Variants in CTNNA2 observed in about 807,000 individuals in gnomAD.
The protein encoded by CTNNA2 is catenin alpha 2, also known as catenin alpha-2.
CTNNA2 carries 42 observed loss-of-function variants against 101.0 expected under a neutral mutation model. The observed-to-expected ratio is 0.42, with a 90% CI of 0.32 to 0.54. The LOEUF is 0.54. Ranked by LOEUF, CTNNA2 falls within the 20% of genes least tolerant of loss-of-function variation. CTNNA2 has a pLI of 0.14. For missense variants in CTNNA2, 871 were observed against 1,223.1 expected, an observed-to-expected ratio of 0.71 and a Z score of 4.29; for synonymous variants, 450 against 456.4, an observed-to-expected ratio of 0.99 and a Z score of 0.18.
At chr2:80,529,633 G>T (rs1690351780) in intron 9 of CTNNA2, among the ~76,000 whole-genome samples, 1 of 152,096 alleles carries the variant, frequency 6.6e-6, no homozygotes, top group South Asian at 2.1e-4. Context: ...ACAAAAGATT[G>T]CAGAGCCTAT....
intron 7 of CTNNA2, among the ~76,000 whole-genome samples, chr2:80,011,495 C>T (rs963187701): frequency 6.6e-6 from 1 of 152,102 alleles, no homozygotes; most frequent in Non-Finnish European, 1.5e-5. Context: ...TAGTAGAGAA[C>T]CTACCAGTAG....
At chr2:79,223,736 T>G (rs1674374096) in intron 2 of CTNNA2, among the ~76,000 whole-genome samples, 1 of 152,142 alleles carries the variant, frequency 6.6e-6, no homozygotes, top group African/African-American at 2.4e-5. Flanking sequence ...AAGCTGACAG[T>G]TGGTGGCACT....
At chr2:79,210,209 T>C (rs2104198740) in intron 2 of CTNNA2, among the ~76,000 whole-genome samples, 1 of 152,116 alleles carries the variant, frequency 6.6e-6, no homozygotes, top group South Asian at 2.1e-4. Context: ...GCACATTCAT[T>C]AGGTGCCCAA....
chr2:79,637,890 G>T (rs1680187151), intron 1 of CTNNA2, among the ~76,000 whole-genome samples: 1 of 152,168 alleles, frequency 6.6e-6, no homozygotes, highest in African/African-American at 2.4e-5. Context: ...GTAAAATTGG[G>T]ATACCATCAC....
At chr2:79,578,786 A>G (rs569971822) in intron 1 of CTNNA2, among the ~76,000 whole-genome samples, 1 of 152,280 alleles carries the variant, frequency 6.6e-6, no homozygotes, top group African/African-American at 2.4e-5. Flanking sequence ...CTATAGCTTT[A>G]TATTTAACCT....
chr2:80,610,596 G>A (rs1330955371), intron 17 of CTNNA2, among the ~76,000 whole-genome samples: 1 of 151,642 alleles, frequency 6.6e-6, no homozygotes, highest in African/African-American at 2.4e-5. Flanking sequence ...AGTTACATTT[G>A]TTAGAAGTCA....
chr2:79,549,201 C>A (rs1174625056), intron 1 of CTNNA2, among the ~76,000 whole-genome samples: 1 of 152,122 alleles, frequency 6.6e-6, no homozygotes, highest in African/African-American at 2.4e-5. Context: ...GGATTGGAAA[C>A]TTGGTTTGGC....
chr2:80,546,174 T>A, intron 11 of CTNNA2, 111 bp downstream of exon 11: 1 of 1,327,076 alleles, frequency 7.5e-7, no homozygotes, highest in Non-Finnish European at 1.0e-6. Context: ...ACTCCTTAGA[T>A]CTTTGAGCTT....
intron 7 of CTNNA2, among the ~76,000 whole-genome samples, chr2:80,356,604 C>G (rs1411950555): frequency 6.6e-6 from 1 of 151,914 alleles, no homozygotes; most frequent in Non-Finnish European, 1.5e-5. Flanking sequence ...TGAGAGAGAA[C>G]AGAAGGAAGA....
At chr2:79,188,220 A>C (rs1673807547) in intron 1 of CTNNA2, among the ~76,000 whole-genome samples, 1 of 152,192 alleles carries the variant, frequency 6.6e-6, no homozygotes, top group African/African-American at 2.4e-5. Context: ...GACATTCTAG[A>C]CTAGATAAAA....
At chr2:79,956,855 T>C (rs944279962) in intron 7 of CTNNA2, among the ~76,000 whole-genome samples, 1 of 148,294 alleles carries the variant, frequency 6.7e-6, no homozygotes, top group Non-Finnish European at 1.5e-5. Flanking sequence ...TTTTTTTTTT[T>C]TTTTTTTTTT....
chr2:80,459,064 G>C (rs879283205), intron 9 of CTNNA2, among the ~76,000 whole-genome samples: 4 of 152,128 alleles, frequency 2.6e-5, no homozygotes, highest in Non-Finnish European at 4.4e-5. Flanking sequence ...GTATTCAATA[G>C]AGTAACATGC....
intron 9 of CTNNA2, among the ~76,000 whole-genome samples, chr2:80,452,992 G>T (rs1364059325): frequency 6.6e-6 from 1 of 152,068 alleles, no homozygotes; most frequent in Non-Finnish European, 1.5e-5. Flanking sequence ...TCTAGGCCAG[G>T]TATAGCTGGG....
intron 7 of CTNNA2, among the ~76,000 whole-genome samples, chr2:80,347,804 A>C (rs751879605): frequency 8.7e-5 from 13 of 148,902 alleles, no homozygotes; most frequent in Non-Finnish European, 1.5e-4. Flanking sequence ...TCCCCAGCTG[A>C]TTCATTTGCA....
At chr2:80,434,867 T>G (rs761812964) in intron 9 of CTNNA2, among the ~76,000 whole-genome samples, 43 of 152,282 alleles carry the variant, frequency 2.8e-4, no homozygotes, top group Non-Finnish European at 4.4e-4. Context: ...CAGGGCACTA[T>G]GGAGAGATGC....
chr2:80,363,738 T>C (rs1285065884), intron 7 of CTNNA2, among the ~76,000 whole-genome samples: 1 of 152,210 alleles, frequency 6.6e-6, no homozygotes, highest in African/African-American at 2.4e-5. Context: ...AGTTAGAAAT[T>C]ATTCAGAATG....
chr2:79,208,917 G>A (rs1422124601), intron 2 of CTNNA2, among the ~76,000 whole-genome samples: 1 of 152,102 alleles, frequency 6.6e-6, no homozygotes, highest in African/African-American at 2.4e-5. Flanking sequence ...AGAGATATGT[G>A]GTAGAAACAC....
chr2:79,860,546 G>GTTTTTTTTTT (rs56929879), intron 4 of CTNNA2, among the ~76,000 whole-genome samples: 20,424 of 106,242 alleles, frequency 0.19, 2,646 homozygotes, highest in Non-Finnish European at 0.25. Flanking sequence ...AGTAAGGGAA[G>GTTTTTTTTTT]TTTTTTTTTT....
At chr2:80,327,003 G>A (rs766232324) in intron 7 of CTNNA2, among the ~76,000 whole-genome samples, 1 of 151,984 alleles carries the variant, frequency 6.6e-6, no homozygotes. Flanking sequence ...AGGCACTACC[G>A]CTGATGACAT....
Sources: allele counts gnomAD v4.1 joint callset (sites outside exome capture counted in the v4.1 genomes callset), GRCh38; gene constraint gnomAD v4.1.1; transcripts MANE v1.5; gene names NCBI Gene and HGNC (gene_info 2026-07-23, HGNC 2026-07-21).